Variants in CSMD2 observed in about 807,000 individuals in gnomAD.
The protein encoded by CSMD2 is CUB and sushi domain-containing protein 2.
Under a neutral mutation model 398.5 loss-of-function variants are expected in CSMD2, and 130 were observed. The observed-to-expected ratio is 0.33, with a 90% confidence interval of 0.28 to 0.38. CSMD2 has a LOEUF of 0.38. CSMD2 is among the 10% of genes least tolerant of loss of function. The pLI, the probability that CSMD2 is intolerant of heterozygous loss-of-function variation, is 1.00. For missense variants in CSMD2, 3,829 were observed against 4,764.9 expected, an observed-to-expected ratio of 0.80 and a Z score of 5.78; for synonymous variants, 1,828 against 1,908.5, an observed-to-expected ratio of 0.96 and a Z score of 1.10.
chr1:33,574,321 G>A (rs1393632358), intron 49 of CSMD2, among the ~76,000 whole-genome samples: 1 of 152,178 alleles, frequency 6.6e-6, no homozygotes, highest in African/African-American at 2.4e-5. Flanking sequence ...ATTTTATAAG[G>A]AGTAGGGTCG....
chr1:33,737,439 C>T (rs1204735170), intron 15 of CSMD2, among the ~76,000 whole-genome samples: 1 of 152,216 alleles, frequency 6.6e-6, no homozygotes, highest in Non-Finnish European at 1.5e-5. Context: ...CAAGTTAACG[C>T]TAATGGCCAA....
chr1:34,003,700 C>T (rs1255650504), intron 3 of CSMD2, among the ~76,000 whole-genome samples: 2 of 152,140 alleles, frequency 1.3e-5, no homozygotes, highest in East Asian at 3.9e-4. Context: ...GAGGCCAACA[C>T]CCTGGAGGGA....
At chr1:34,067,974 C>T (rs1304672481) in intron 2 of CSMD2, among the ~76,000 whole-genome samples, 1 of 152,202 alleles carries the variant, frequency 6.6e-6, no homozygotes. Flanking sequence ...CCCCACTGTG[C>T]AGATGGCATG....
intron 1 of CSMD2, among the ~76,000 whole-genome samples, chr1:34,097,573 AC>A (rs1248437415): frequency 7.4e-6 from 1 of 134,878 alleles, no homozygotes; most frequent in African/African-American, 2.8e-5. Context: ...CAAGAAAAAA[AC>A]AAACAACCCC....
intron 29 of CSMD2, among the ~76,000 whole-genome samples, chr1:33,638,029 A>G (rs1642905519): frequency 6.6e-6 from 1 of 152,172 alleles, no homozygotes; most frequent in Admixed American, 6.5e-5. Flanking sequence ...ACTATTGCAC[A>G]GGAGCATGTG....
intron 3 of CSMD2, among the ~76,000 whole-genome samples, chr1:33,936,259 T>C (rs1218790427): frequency 1.3e-5 from 2 of 152,338 alleles, no homozygotes; most frequent in African/African-American, 2.4e-5. Flanking sequence ...TCCTGATCAC[T>C]AGAGATGCAA....
At chr1:33,605,541 T>A in intron 41 of CSMD2, 71 bp from the exon 42 acceptor site, 1 of 1,479,854 alleles carries the variant, frequency 6.8e-7, no homozygotes, top group South Asian at 1.2e-5. Context: ...GAAAGCATAG[T>A]GGTGAAGCCT....
intron 2 of CSMD2, among the ~76,000 whole-genome samples, chr1:34,052,223 A>G (rs959456701): frequency 1.3e-5 from 2 of 151,732 alleles, no homozygotes; most frequent in African/African-American, 2.4e-5. Context: ...AGCGTTCCCC[A>G]TCTGCAGAGT....
rs370059480 is a variant in CSMD2 at position 33,557,182 on chromosome 1, C to G, written c.8743+552G>C. Among the ~76,000 whole-genome samples the G allele has an allele frequency of 5.3e-5, 8 of 152,300 alleles. No homozygotes were observed. The East Asian group carries it at 1.5e-3, about 29-fold the overall frequency. Reference sequence around the variant, plus strand: ...TTTCCCCTTTAATCCTCTAATAACCCTATGGAATAGGTACTGGCATCATTT... The same window carrying G: ...TTTCCCCTTTAATCCTCTAATAACCGTATGGAATAGGTACTGGCATCATTT... On this transcript the variant is annotated intron_variant, in intron 55 of 70. Transcript: ENST00000373381.
chr1:33,853,997 G>C (rs866260767), intron 5 of CSMD2, among the ~76,000 whole-genome samples: 1 of 152,090 alleles, frequency 6.6e-6, no homozygotes, highest in Non-Finnish European at 1.5e-5. Context: ...CTTGAAAAAC[G>C]GTCAATTATG....
chr1:33,602,962 G>T (rs1640326843), intron 42 of CSMD2, among the ~76,000 whole-genome samples: 1 of 152,206 alleles, frequency 6.6e-6, no homozygotes, highest in Non-Finnish European at 1.5e-5. Flanking sequence ...TCTTTGATCT[G>T]CTCTTTCTAG....
intron 1 of CSMD2, among the ~76,000 whole-genome samples, chr1:34,122,673 C>A (rs1423059903): frequency 6.6e-6 from 1 of 152,202 alleles, no homozygotes; most frequent in Non-Finnish European, 1.5e-5. Context: ...CCACCTATTA[C>A]ACAGGTCCAC....
At chr1:33,878,334 GACA>G (rs764196197) in intron 5 of CSMD2, 2 of 152,288 alleles carry the variant, frequency 1.3e-5, no homozygotes, top group African/African-American at 2.4e-5. Context: ...CTCTGACGGG[GACA>G]GACAGCATCA....
At chr1:33,969,810 TC>T (rs3841824) in intron 3 of CSMD2, among the ~76,000 whole-genome samples, 7,879 of 151,726 alleles carry the variant, frequency 0.052, 306 homozygotes, top group East Asian at 0.19. Context: ...ACACTAAGAA[TC>T]CATGAAAAGG....
chr1:33,606,083 T>C, intron 41 of CSMD2: 1 of 1,482,382 alleles, frequency 6.7e-7, no homozygotes, highest in South Asian at 1.4e-5. Flanking sequence ...AGGGAAGCTG[T>C]TTCCATGAGA....
At position 33,652,141 on chromosome 1, in the gene CSMD2, T is replaced by G. The variant is rs927200781; in HGVS notation, c.4586+182A>C. ...GATGTGATGATATGCATGAGACCAC[T>G]GAGCACAGTGCTTGGCACGTAGATG... On this transcript the variant is annotated intron_variant, in intron 28 of 70. Transcript: ENST00000373381. Among the ~76,000 whole-genome samples, 16 of 152,174 alleles carry G rather than the reference T, an allele frequency of 1.1e-4. 1 individual carries two copies. Among genetic ancestry groups the G allele is most frequent in the Admixed American group, 2.6e-4 (4 of 15,278 alleles).
chr1:33,872,991 G>C (rs1376146295), intron 5 of CSMD2, among the ~76,000 whole-genome samples: 1 of 152,142 alleles, frequency 6.6e-6, no homozygotes, highest in Non-Finnish European at 1.5e-5. Context: ...TCCTCCCTTT[G>C]AGTAGCAGTG....
chr1:33,749,872 A>G (rs1014728519), intron 13 of CSMD2, among the ~76,000 whole-genome samples: 1 of 152,238 alleles, frequency 6.6e-6, no homozygotes, highest in African/African-American at 2.4e-5. Flanking sequence ...GTGCTTCAAA[A>G]CTATAAACAA....
intron 6 of CSMD2, among the ~76,000 whole-genome samples, chr1:33,843,260 G>A (rs973427638): frequency 1.3e-5 from 2 of 152,180 alleles, no homozygotes; most frequent in Non-Finnish European, 1.5e-5. Flanking sequence ...TAACCAGTCC[G>A]AAGCAGAGCC....
Sources: gnomAD v4.1 joint callset for allele counts (sites outside exome capture counted in the v4.1 genomes callset) on GRCh38, gnomAD v4.1.1 for gene constraint, MANE v1.5 for transcripts, NCBI Gene and HGNC (gene_info 2026-07-23, HGNC 2026-07-21) for gene names.